The following GLI2 variants were observed in gnomAD, a reference collection of about 807,000 sequenced individuals.
The protein encoded by GLI2 is GLI family zinc finger 2, also known as transcription activator GLI2.
Under a neutral mutation model 78.9 loss-of-function variants are expected in GLI2, and 22 were observed. The ratio of observed to expected loss-of-function variants is 0.28; its 90% CI spans 0.20 to 0.40. GLI2 has a LOEUF of 0.40. GLI2 is among the 10% of genes least tolerant of loss of function. The pLI, the probability that GLI2 is intolerant of heterozygous loss-of-function variation, is 1.00. For missense variants in GLI2, 2,097 were observed against 2,213.2 expected (o/e 0.95, Z 1.05); for synonymous variants, 974 against 963.7 (o/e 1.01, Z -0.20).
At position 120,737,829 on chromosome 2, in the gene GLI2, G is replaced by C. The variant is rs546680438; in HGVS notation, c.-31+1544G>C. Among the ~76,000 whole-genome samples, 195 of 152,338 alleles carry C rather than the reference G, an allele frequency of 1.3e-3. No individual in the cohort carries two copies. The highest frequency in any genetic ancestry group is 4.3e-3 in the African/African-American group (178 of 41,580). On this transcript the variant is annotated intron_variant, in intron 1 of 13. Transcript: ENST00000361492. The surrounding 1 kb of genome is among the most constrained non-coding windows in gnomAD (Gnocchi z 4.3). ...AATATTGTATTGGCATGCTCAGGGG[G>C]CTCGGTGCCAAAAAGTAAAGTAAAT... is the stretch of plus-strand genomic sequence containing the variant.
At chr2:120,959,287 G>A (rs929325091) in intron 5 of GLI2, among the ~76,000 whole-genome samples, 11 of 152,246 alleles carry the variant, frequency 7.2e-5, no homozygotes, top group Admixed American at 6.5e-4. Context: ...GGAGGTAACG[G>A]GGAAGCATCA....
chr2:120,826,487 G>A (rs1029330268), intron 2 of GLI2, among the ~76,000 whole-genome samples: 1 of 152,212 alleles, frequency 6.6e-6, no homozygotes, highest in Admixed American at 6.5e-5. Flanking sequence ...AGAGGAGACC[G>A]CTGGACTGCA....
intron 2 of GLI2, among the ~76,000 whole-genome samples, chr2:120,837,829 C>T (rs989042091): frequency 6.6e-5 from 10 of 152,196 alleles, no homozygotes; most frequent in African/African-American, 2.4e-4. Context: ...TGTTTCCGGG[C>T]TCCCTACTTT....
intron 3 of GLI2, among the ~76,000 whole-genome samples, chr2:120,949,851 G>A (rs1680893371): frequency 6.6e-6 from 1 of 152,184 alleles, no homozygotes; most frequent in African/African-American, 2.4e-5. Flanking sequence ...GGTTTGTACT[G>A]TACTGTAAGC....
chr2:120,795,479 C>T (rs1448199340), intron 1 of GLI2, among the ~76,000 whole-genome samples: 2 of 143,906 alleles, frequency 1.4e-5, no homozygotes, highest in African/African-American at 2.6e-5. Flanking sequence ...GCTGAGGTCA[C>T]ACCACTGCAC....
intron 1 of GLI2, among the ~76,000 whole-genome samples, chr2:120,771,512 AC>A (rs1683521293): frequency 6.7e-6 from 1 of 148,730 alleles, no homozygotes; most frequent in Non-Finnish European, 1.5e-5. Flanking sequence ...CTTCTCAAAG[AC>A]TTTTGCCATC....
Position 120,974,808 on chromosome 2 carries a change from A to G in GLI2, c.1183-167A>G, listed in dbSNP as rs963699905. ...TGTGTGTGTGTGTGTGTGTGTCTGC[A>G]TGCATGTGTTGTGTGTGTGCACACA... On this transcript the variant is annotated intron_variant, in intron 8 of 13. Coordinates refer to ENST00000361492, the MANE Select transcript of GLI2 (RefSeq NM_001374353.1). The G allele has an allele frequency of 1.2e-5, 10 of 856,426 alleles. No homozygotes were observed. The Admixed American group carries it at 1.4e-4, about 12-fold the overall frequency. The allele number at this position is 856,426 out of a possible 1,614,324, so 53.1% of individuals were successfully genotyped here.
chr2:120,748,214 G>T (rs1011369941), intron 1 of GLI2, among the ~76,000 whole-genome samples: 2 of 152,216 alleles, frequency 1.3e-5, no homozygotes, highest in Non-Finnish European at 2.9e-5. Flanking sequence ...TGTTTTCCTG[G>T]CTCCAGGCTG....
Position 120,759,635 on chromosome 2 carries a change from G to A in GLI2, c.-31+23350G>A, listed in dbSNP as rs1558782948. 5.3e-5 allele frequency among the ~76,000 whole-genome samples: 8 copies of A among 152,160 alleles called. No individual in the cohort carries two copies. The South Asian group carries it at 1.7e-3, about 32-fold the overall frequency. The stretch of plus-strand genomic sequence containing the variant: ...ACCATGTGCTCAGCTATCTCTGGAA[G>A]CTCCTGAACCTAGTCCTTTTGGGTT... On this transcript the variant is annotated intron_variant, in intron 1 of 13. Transcript: ENST00000361492.
At chr2:120,823,395 C>T (rs1334686681) in intron 2 of GLI2, among the ~76,000 whole-genome samples, 1 of 152,132 alleles carries the variant, frequency 6.6e-6, no homozygotes, top group East Asian at 1.9e-4. Flanking sequence ...ACCCACATTT[C>T]TGGGTGCAGG....
intron 2 of GLI2, among the ~76,000 whole-genome samples, chr2:120,828,248 G>A (rs945187919): frequency 1.3e-5 from 2 of 152,192 alleles, no homozygotes; most frequent in Non-Finnish European, 2.9e-5. Flanking sequence ...GGGCCAGGTG[G>A]CTTCTCTGAG....
At chr2:120,766,623 C>T (rs1683374702) in intron 1 of GLI2, among the ~76,000 whole-genome samples, 1 of 152,236 alleles carries the variant, frequency 6.6e-6, no homozygotes, top group Non-Finnish European at 1.5e-5. Context: ...GGAGCATTAG[C>T]TCTACGCTCA....
At chr2:120,752,101 A>T (rs1682890000) in intron 1 of GLI2, among the ~76,000 whole-genome samples, 1 of 152,028 alleles carries the variant, frequency 6.6e-6, no homozygotes, top group African/African-American at 2.4e-5. Context: ...CCAGTGTTTT[A>T]TTATTATCAT....
At position 120,988,560 on chromosome 2, in the gene GLI2, G is replaced by C; in HGVS notation, c.2595G>C (p.Thr865=). 2 of 1,499,646 alleles carry C rather than the reference G, an allele frequency of 1.3e-6. No homozygotes were observed. Among genetic ancestry groups the C allele is most frequent in the Non-Finnish European group, 8.8e-7 (1 of 1,131,076 alleles). 92.9% of individuals were successfully genotyped at this position (1,499,646 alleles called of 1,614,324 possible). ...GCGGCTCCGGGCTGCTCAACCTCAC[G>C]CCGGCGCAGCAGTACAGCCTGCGGG... ...CSGGSGLLNL[T]PAQQYSLRAK... is the part of the protein sequence containing the mutation. The change falls in exon 14 of 14, where the codon ACG becomes ACC. Residue 865 remains threonine, a synonymous_variant. Transcript: ENST00000361492.
chr2:120,748,575 C>G lies in GLI2; in HGVS notation c.-31+12290C>G, dbSNP rs773470094. 2.6e-5 allele frequency among the ~76,000 whole-genome samples: 4 copies of G among 152,110 alleles called. No homozygotes were observed. In the East Asian group the frequency reaches 7.7e-4, roughly 29 times the overall value. On this transcript the variant is annotated intron_variant, in intron 1 of 13. Transcript: ENST00000361492. ...CCAAGGGGTGGCTTTGTGGTCCCCC[C>G]GGATGACTCCTCTGCCTATCCATGG...
At position 120,975,408 on chromosome 2, in the gene GLI2, G is replaced by T. The variant is rs114979881; in HGVS notation, c.1317+299G>T. ...AGGAATAGAGTTAGTATTAAAAACC[G>T]AGTGCTTTGAGCTATATTCTATATA... On this transcript the variant is annotated intron_variant, in intron 9 of 13. Coordinates refer to ENST00000361492, the MANE Select transcript of GLI2 (RefSeq NM_001374353.1). Among the ~76,000 whole-genome samples the T allele has an allele frequency of 2.4e-3, 359 of 152,158 alleles. 4 individuals are homozygous for T. The highest frequency in any genetic ancestry group is 8.1e-3 in the African/African-American group (336 of 41,516).
At chr2:120,812,954 C>T (rs1277848347) in intron 2 of GLI2, among the ~76,000 whole-genome samples, 3 of 152,176 alleles carry the variant, frequency 2.0e-5, no homozygotes, top group African/African-American at 7.2e-5. Context: ...GACACCTGGC[C>T]ATGTTGTGGA....
intron 2 of GLI2, among the ~76,000 whole-genome samples, chr2:120,869,823 G>A (rs1688335287): frequency 6.6e-6 from 1 of 152,018 alleles, no homozygotes; most frequent in South Asian, 2.1e-4. Context: ...GTTCCCCAAG[G>A]TCAAAGGACA....
At chr2:120,948,056 G>A (rs934900236) in intron 3 of GLI2, among the ~76,000 whole-genome samples, 2 of 152,204 alleles carry the variant, frequency 1.3e-5, no homozygotes, top group African/African-American at 4.8e-5. Flanking sequence ...TCACACCAAG[G>A]GAACAGTCAG....
Sources: allele counts gnomAD v4.1 joint callset (sites outside exome capture counted in the v4.1 genomes callset), GRCh38; gene constraint gnomAD v4.1.1; non-coding constraint Gnocchi (gnomAD v3.1); transcripts MANE v1.5; gene names NCBI Gene and HGNC (gene_info 2026-07-23, HGNC 2026-07-21).